KDM6B: variants seen among roughly 807,000 people sequenced by gnomAD.
KDM6B encodes the protein lysine-specific demethylase 6B.
In KDM6B, 22 loss-of-function variants were observed where a neutral mutation model predicts 150.4. The observed-to-expected ratio is 0.15, with a 90% CI of 0.10 to 0.21. KDM6B has a LOEUF of 0.21. KDM6B is among the 10% of genes least tolerant of loss of function. The pLI is 1.00. For missense variants in KDM6B, 1,984 were observed against 2,234.3 expected (o/e 0.89, Z 2.26); for synonymous variants, 1,148 against 921.1 (o/e 1.25, Z -4.46).
intron 14 of KDM6B, among the ~76,000 whole-genome samples, chr17:7,850,537 G>A (rs778165448): frequency 1.6e-4 from 24 of 152,204 alleles, no homozygotes; most frequent in Non-Finnish European, 2.9e-4. Flanking sequence ...GAAATACAAA[G>A]GTCAATCTTG....
chr17:7,845,413 G>A lies in KDM6B; in HGVS notation c.-49G>A. The A allele has an allele frequency of 9.8e-7, 1 of 1,021,442 alleles. No individual in the cohort carries two copies. Among genetic ancestry groups the A allele is most frequent in the Non-Finnish European group, 1.5e-6 (1 of 646,208 alleles). The allele number at this position is 1,021,442 out of a possible 1,614,324, so 63.3% of individuals were successfully genotyped here. On this transcript the variant is annotated 5_prime_UTR_variant, in exon 4 of 24. Coordinates refer to ENST00000448097, the MANE Select transcript of KDM6B (RefSeq NM_001348716.2). ...ATCGTCCCAGAGAGCTGGGGCAGGG[G>A]GCCGTGCCCAATCTCCAGGGCTCCT...
At position 7,847,101 on chromosome 17, in the gene KDM6B, A is replaced by G; in HGVS notation, c.910-4A>G. On this transcript the variant is annotated splice_polypyrimidine_tract_variant and splice_region_variant and intron_variant, in intron 10 of 23. Transcript: ENST00000448097. ...CATCCTGCATCCCTGTTTATCTCCT[A>G]TAGGAGCAGCGGCACTCGCTGCCTC... The G allele has an allele frequency of 1.9e-6, 3 of 1,612,426 alleles. No homozygotes were observed. Among genetic ancestry groups the G allele is most frequent in the South Asian group, 1.1e-5 (1 of 91,062 alleles).
At chr17:7,835,992 T>G (rs1022491674) in intron 1 of KDM6B, among the ~76,000 whole-genome samples, 2 of 152,284 alleles carry the variant, frequency 1.3e-5, no homozygotes, top group South Asian at 4.1e-4. Flanking sequence ...CACTCCCAGG[T>G]GGGCTGGGCG....
chr17:7,851,403 C>T lies in KDM6B; in HGVS notation c.3944+9C>T, dbSNP rs1567801898. ...ACTGGAACCCCTCCTAGGTACTGTG[C>T]AGGTGTGCCCCTTCTGTTCCTGCTT... is the stretch of plus-strand genomic sequence containing the variant. On this transcript the variant is annotated intron_variant, in intron 16 of 23. Coordinates refer to ENST00000448097, the MANE Select transcript of KDM6B (RefSeq NM_001348716.2). The T allele has an allele frequency of 6.2e-7, 1 of 1,614,172 alleles. No individual in the cohort carries two copies. Among genetic ancestry groups the T allele is most frequent in the Non-Finnish European group, 8.5e-7 (1 of 1,180,010 alleles).
rs201793001 is a variant in KDM6B, at chr17:7,849,858, C to T, written c.3478C>T (p.Leu1160Phe). The T allele has an allele frequency of 6.8e-6, 11 of 1,613,318 alleles. No individual in the cohort carries two copies. Among genetic ancestry groups the T allele is most frequent in the Non-Finnish European group, 9.3e-6 (11 of 1,180,012 alleles). The change falls in exon 13 of 24, where the codon CTT becomes TTT. Residue 1160 changes from leucine to phenylalanine, a missense_variant. By Grantham distance (22) the Leu-to-Phe change is conservative (BLOSUM62 0). Around this residue, in one of 13 missense-constraint regions of KDM6B, gnomAD observed 1,379 missense variants for 1,275.6 expected, o/e 1.08. Coordinates refer to ENST00000448097, the MANE Select transcript of KDM6B (RefSeq NM_001348716.2). Reference sequence around the variant, plus strand: ...GAAAGGGAAGTTTCGAGAGTCCTACCTTTCCCCTGCCCAGTCTGTGAAACC... The same window carrying T: ...GAAAGGGAAGTTTCGAGAGTCCTACTTTTCCCCTGCCCAGTCTGTGAAACC... Reference protein sequence around the residue: ...KVKGKFRESYLSPAQSVKPKI... With the variant: ...KVKGKFRESYFSPAQSVKPKI...
Position 7,854,565 on chromosome 17 carries a change from C to G in KDM6B, c.*1044C>G, listed in dbSNP as rs2078773615. 6.5e-6 allele frequency: 1 copy of G among 154,396 alleles called. No individual in the cohort carries two copies. Among genetic ancestry groups the G allele is most frequent in the African/African-American group, 2.4e-5 (1 of 41,404 alleles). 9.6% of individuals were successfully genotyped at this position (154,396 alleles called of 1,614,324 possible). ...GTGTGAAACAACCCAGGGCCAGGGC[C>G]TCACTGGGGCAGGGACACCCCGGGG... On this transcript the variant is annotated 3_prime_UTR_variant, in exon 24 of 24. Transcript: ENST00000448097.
rs1156703231 is a variant in KDM6B at position 7,843,708 on chromosome 17, C to G, written c.-268-1193C>G. On this transcript the variant is annotated intron_variant, in intron 2 of 23. Coordinates refer to ENST00000448097, the MANE Select transcript of KDM6B (RefSeq NM_001348716.2). This position sits in a 1 kb window ranked among gnomAD's most constrained non-coding sequence, Gnocchi z 4.5. ...GGCCCCGCCCCCGCGGCTTTGTACT[C>G]GACACTCGCCTCTCGCTGCTCTTTG... 6.6e-6 allele frequency among the ~76,000 whole-genome samples: 1 copy of G among 151,960 alleles called. No homozygotes were observed. The highest frequency in any genetic ancestry group is 1.5e-5 in the Non-Finnish European group (1 of 67,952).
intron 2 of KDM6B, among the ~76,000 whole-genome samples, chr17:7,842,707 C>T (rs992310288): frequency 6.6e-6 from 1 of 151,986 alleles, no homozygotes; most frequent in African/African-American, 2.4e-5. Context: ...GGTGGTGAGC[C>T]GGTGTGTGGG....
At position 7,846,612 on chromosome 17, in the gene KDM6B, C is replaced by A. The variant is rs777283349; in HGVS notation, c.583C>A (p.Pro195Thr). ...GAACTATGGAGCCAAGCGGGGAGGT[C>A]CCCCGGTGAAGCGAGCTGCTGAACC... The part of the protein sequence containing the change: ...KRNYGAKRGG[P>T]PVKRAAEPPV... Residue 195 changes from proline (P) to threonine (T), a missense_variant, in exon 9 of 24, where the codon CCC (proline) becomes ACC (threonine). Pro to Thr is a conservative substitution (Grantham distance 38). Transcript: ENST00000448097. 2.5e-6 allele frequency: 4 copies of A among 1,614,080 alleles called. No individual in the cohort carries two copies. Among genetic ancestry groups the A allele is most frequent in the East Asian group, 4.5e-5 (2 of 44,872 alleles).
In KDM6B at chr17:7,843,722, C is replaced by A. The variant is rs949813702; in HGVS notation, c.-268-1179C>A. On this transcript the variant is annotated intron_variant, in intron 2 of 23. Transcript: ENST00000448097. The surrounding 1 kb of genome is among the most constrained non-coding windows in gnomAD (Gnocchi z 4.5). Reference sequence around the variant, plus strand: ...GGCTTTGTACTCGACACTCGCCTCTCGCTGCTCTTTGTACTCTAGACTCTC... The same window carrying A: ...GGCTTTGTACTCGACACTCGCCTCTAGCTGCTCTTTGTACTCTAGACTCTC... Among the ~76,000 whole-genome samples the A allele has an allele frequency of 6.6e-6, 1 of 152,110 alleles. No individual in the cohort carries two copies. Among genetic ancestry groups the A allele is most frequent in the African/African-American group, 2.4e-5 (1 of 41,428 alleles).
At position 7,847,641 on chromosome 17, in the gene KDM6B, G is replaced by GGCTCCCGCTGCC; in HGVS notation, c.1354_1365dup (p.Ala452_Ala455dup). On this transcript the variant is annotated inframe_insertion, in exon 12 of 24. Coordinates refer to ENST00000448097, the MANE Select transcript of KDM6B (RefSeq NM_001348716.2). ...ACAGCAGTCGGAAACCGTTCTTGGGGGCTCCCGCTGCCACTCCCCACCTAT... is the reference window on the plus strand; with the variant it reads ...ACAGCAGTCGGAAACCGTTCTTGGGGGCTCCCGCTGCCGCTCCCGCTGCCACTCCCCACCTAT... 1 of 1,610,270 alleles carries GGCTCCCGCTGCC rather than the reference G, an allele frequency of 6.2e-7. No individual in the cohort carries two copies. Among genetic ancestry groups the GGCTCCCGCTGCC allele is most frequent in the African/African-American group, 1.3e-5 (1 of 74,820 alleles).
At chr17:7,835,747 A>T (rs1480811183) in intron 1 of KDM6B, among the ~76,000 whole-genome samples, 1 of 100,948 alleles carries the variant, frequency 9.9e-6, no homozygotes, top group Admixed American at 9.6e-5. Context: ...GCTCGCGCCC[A>T]CCCCCCGCCC....
rs2078615978 is a variant in KDM6B at position 7,848,553 on chromosome 17, CA to C, written c.2266del (p.Thr756ProfsTer26). 6.2e-7 allele frequency: 1 copy of C among 1,601,138 alleles called. No individual in the cohort carries two copies. On this transcript the variant is annotated frameshift_variant, in exon 12 of 24. Transcript: ENST00000448097. LOFTEE classifies it high-confidence loss of function. ...APAVAVTTTTTTTTTTTATQE... is the reference protein window; with the variant it reads ...APAVAVTTTTXTTTTTTATQE... ...CTGCTGTCGCCGTCACCACCACCACCACCACCACCACCACCACCACGGCCAC... is the reference window on the plus strand; with the variant it reads ...CTGCTGTCGCCGTCACCACCACCACCCCACCACCACCACCACCACGGCCAC...
chr17:7,837,150 G>C (rs929579729), intron 1 of KDM6B, among the ~76,000 whole-genome samples: 1 of 152,118 alleles, frequency 6.6e-6, no homozygotes, highest in African/African-American at 2.4e-5. Flanking sequence ...CCCCTCCAAG[G>C]CTCCGCCCCC....
At chr17:7,839,079 T>C (rs2078376897) in intron 1 of KDM6B, among the ~76,000 whole-genome samples, 1 of 152,052 alleles carries the variant, frequency 6.6e-6, no homozygotes, top group South Asian at 2.1e-4. Flanking sequence ...CAGAGAACTA[T>C]GATTAAGGGA....
chr17:7,847,584 C>A lies in KDM6B; in HGVS notation c.1296C>A (p.Val432=), dbSNP rs767245338. ...ATTACCAAACTCCCGCGCTGGAGGT[C>A]TCTCACCATGGCCGCCTGGGGCCCT... The part of the protein sequence containing the change: ...ADHYQTPALE[V]SHHGRLGPSA... Residue 432 remains valine, a synonymous_variant, in exon 12 of 24, where the codon GTC becomes GTA. Coordinates refer to ENST00000448097, the MANE Select transcript of KDM6B (RefSeq NM_001348716.2). The A allele has an allele frequency of 6.2e-7, 1 of 1,612,852 alleles. No homozygotes were observed. Among genetic ancestry groups the A allele is most frequent in the Non-Finnish European group, 8.5e-7 (1 of 1,179,786 alleles).
At chr17:7,847,067 T>A in intron 10 of KDM6B, 38 bp from the exon 11 acceptor site, 1 of 1,611,238 alleles carries the variant, frequency 6.2e-7, no homozygotes. Flanking sequence ...TCCCACGCTC[T>A]CTATTCCTCA....
chr17:7,835,808 GC>G (rs537975658), intron 1 of KDM6B, among the ~76,000 whole-genome samples: 4 of 151,050 alleles, frequency 2.6e-5, no homozygotes, highest in Admixed American at 6.6e-5. Context: ...CGAGCCGGGC[GC>G]CCCCCTCCCC....
intron 1 of KDM6B, among the ~76,000 whole-genome samples, chr17:7,835,656 G>C (rs1427066258): frequency 6.6e-6 from 1 of 152,218 alleles, no homozygotes; most frequent in Middle Eastern, 3.4e-3. Flanking sequence ...GGATGATAGC[G>C]ACAGGAAAGG....
Sources: allele counts gnomAD v4.1 joint callset (sites outside exome capture counted in the v4.1 genomes callset), GRCh38; gene constraint gnomAD v4.1.1; regional missense constraint gnomAD v4.1.1; non-coding constraint Gnocchi (gnomAD v3.1); transcripts MANE v1.5; gene names NCBI Gene and HGNC (gene_info 2026-07-23, HGNC 2026-07-21).